The following PTPRM variants were observed in gnomAD, a reference collection of about 807,000 sequenced individuals.
PTPRM encodes the protein protein tyrosine phosphatase receptor type M.
A neutral mutation model predicts 186.7 loss-of-function variants in PTPRM; 47 were observed. The observed-to-expected ratio is 0.25, with a 90% confidence interval of 0.20 to 0.32. The LOEUF is 0.32. Ranked by LOEUF, PTPRM falls within the 10% of genes least tolerant of loss-of-function variation. The pLI, the probability that PTPRM is intolerant of heterozygous loss-of-function variation, is 1.00. For missense variants in PTPRM, 1,494 were observed against 1,865.0 expected (o/e 0.80, Z 3.66); for synonymous variants, 668 against 674.9 (o/e 0.99, Z 0.16).
chr18:8,037,087 G>A (rs2086381371), intron 7 of PTPRM, among the ~76,000 whole-genome samples: 1 of 152,164 alleles, frequency 6.6e-6, no homozygotes, highest in African/African-American at 2.4e-5. Context: ...ATGATCTGGT[G>A]TTGTTTATAA....
intron 2 of PTPRM, among the ~76,000 whole-genome samples, chr18:7,788,586 T>A (rs1278820394): frequency 6.6e-6 from 1 of 152,190 alleles, no homozygotes; most frequent in Non-Finnish European, 1.5e-5. Context: ...TTCCAACCCC[T>A]TTTATGAAGT....
chr18:7,600,431 A>G (rs963140275), intron 1 of PTPRM, among the ~76,000 whole-genome samples: 1 of 152,092 alleles, frequency 6.6e-6, no homozygotes, highest in Non-Finnish European at 1.5e-5. Context: ...ATAACACACC[A>G]CTTGCTCCCC....
At chr18:7,786,898 T>C (rs2043121968) in intron 2 of PTPRM, among the ~76,000 whole-genome samples, 1 of 152,214 alleles carries the variant, frequency 6.6e-6, no homozygotes, top group Non-Finnish European at 1.5e-5. Flanking sequence ...AGATGGGTCA[T>C]TGGGTCAACC....
chr18:8,386,942 C>T (rs973171143), intron 30 of PTPRM, 130 bp from the exon 31 acceptor site: 15 of 946,196 alleles, frequency 1.6e-5, no homozygotes, highest in South Asian at 5.0e-5. Context: ...GCAGAAGCCA[C>T]GTTGGTAATT....
chr18:8,149,408 C>G (rs139335397), intron 14 of PTPRM, among the ~76,000 whole-genome samples: 6,127 of 152,094 alleles, frequency 0.04, 270 homozygotes, highest in African/African-American at 0.11. Flanking sequence ...TTATGTAATG[C>G]CCTTCTTTGT....
chr18:8,297,131 C>T (rs1229943934), intron 20 of PTPRM, among the ~76,000 whole-genome samples: 1 of 152,204 alleles, frequency 6.6e-6, no homozygotes, highest in Non-Finnish European at 1.5e-5. Context: ...CACTATCCAT[C>T]CCCCACACTA....
chr18:8,336,957 C>T (rs1484065917), intron 22 of PTPRM, among the ~76,000 whole-genome samples: 1 of 151,574 alleles, frequency 6.6e-6, no homozygotes, highest in Non-Finnish European at 1.5e-5. Flanking sequence ...AGCCTGGCAA[C>T]AGAGCAATCG....
intron 2 of PTPRM, among the ~76,000 whole-genome samples, chr18:7,837,065 A>G (rs2046086887): frequency 6.6e-6 from 1 of 152,158 alleles, no homozygotes; most frequent in Non-Finnish European, 1.5e-5. Context: ...TTCCCTTTGA[A>G]TAAACTTTCT....
intron 13 of PTPRM, among the ~76,000 whole-genome samples, chr18:8,135,112 G>A (rs2092607045): frequency 1.3e-5 from 2 of 152,206 alleles, no homozygotes; most frequent in South Asian, 4.1e-4. Flanking sequence ...TTATTTAGTA[G>A]CACCCAGGCA....
chr18:8,291,000 C>T (rs2095036893), intron 19 of PTPRM, among the ~76,000 whole-genome samples: 1 of 152,052 alleles, frequency 6.6e-6, no homozygotes, highest in Non-Finnish European at 1.5e-5. Context: ...ATTCAAAATC[C>T]CACCTATAAA....
chr18:8,155,281 CGA>C (rs1221981191), intron 14 of PTPRM, among the ~76,000 whole-genome samples: 20 of 152,026 alleles, frequency 1.3e-4, no homozygotes, highest in Non-Finnish European at 2.8e-4. Context: ...ATTATATTTA[CGA>C]TTGTTTCTAA....
chr18:8,120,640 C>T (rs541901898), intron 13 of PTPRM, among the ~76,000 whole-genome samples: 5 of 151,880 alleles, frequency 3.3e-5, no homozygotes, highest in South Asian at 2.1e-4. Context: ...GGACTACAGG[C>T]GCAAGCTACC....
At chr18:8,221,456 G>A (rs1165703476) in intron 14 of PTPRM, among the ~76,000 whole-genome samples, 1 of 152,232 alleles carries the variant, frequency 6.6e-6, no homozygotes, top group East Asian at 1.9e-4. Flanking sequence ...GTTTAATTGA[G>A]CAAGGAAAAA....
At chr18:7,608,568 C>T (rs529194449) in intron 1 of PTPRM, among the ~76,000 whole-genome samples, 28 of 152,180 alleles carry the variant, frequency 1.8e-4, no homozygotes, top group East Asian at 5.8e-4. Context: ...TTTTCAACCC[C>T]GAGAAGTTGA....
At chr18:7,753,983 A>G (rs1243128630) in intron 1 of PTPRM, among the ~76,000 whole-genome samples, 2 of 152,190 alleles carry the variant, frequency 1.3e-5, no homozygotes, top group Non-Finnish European at 1.5e-5. Context: ...CAGTAAAGTA[A>G]TGGTTCATGT....
intron 7 of PTPRM, among the ~76,000 whole-genome samples, chr18:8,018,655 G>T (rs2085025179): frequency 6.6e-6 from 1 of 152,070 alleles, no homozygotes. Context: ...ATGTAAAATT[G>T]TTGTGACATG....
At chr18:7,955,517 C>A in intron 7 of PTPRM, 103 bp downstream of exon 7, 8 of 1,344,430 alleles carry the variant, frequency 6.0e-6, no homozygotes, top group Non-Finnish European at 8.1e-6. Context: ...CTAGCTCTAT[C>A]AAAACCTGCA....
chr18:7,880,889 G>T (rs1182555925), intron 2 of PTPRM, among the ~76,000 whole-genome samples: 2 of 152,190 alleles, frequency 1.3e-5, no homozygotes, highest in African/African-American at 2.4e-5. Context: ...CAGTGGTTTT[G>T]ATTATTGGGA....
chr18:8,323,041 C>G (rs1438139494), intron 22 of PTPRM, among the ~76,000 whole-genome samples: 2 of 152,026 alleles, frequency 1.3e-5, no homozygotes, highest in East Asian at 3.9e-4. Flanking sequence ...GTTGTCCAGG[C>G]TGGTCTCAGA....
Sources: gnomAD v4.1 joint callset for allele counts (sites outside exome capture counted in the v4.1 genomes callset) on GRCh38, gnomAD v4.1.1 for gene constraint, MANE v1.5 for transcripts, NCBI Gene and HGNC (gene_info 2026-07-23, HGNC 2026-07-21) for gene names.